PHTF2: variants seen among roughly 807,000 people sequenced by gnomAD.
PHTF2 encodes putative homeodomain transcription factor 2.
In PHTF2, 60 loss-of-function variants were observed where a neutral mutation model predicts 101.2. The ratio of observed to expected loss-of-function variants is 0.59; its 90% confidence interval spans 0.48 to 0.73. The LOEUF is 0.73. Ranked by LOEUF, PHTF2 falls within the 30% of genes least tolerant of loss-of-function variation. The pLI is 0.00. For synonymous variants in PHTF2, 311 were observed against 307.3 expected (o/e 1.01, Z -0.13); for missense variants, 747 against 908.7 (o/e 0.82, Z 2.29).
intron 2 of PHTF2, among the ~76,000 whole-genome samples, chr7:77,854,160 A>G (rs1796982494): frequency 6.6e-6 from 1 of 152,084 alleles, no homozygotes; most frequent in Admixed American, 6.6e-5. Flanking sequence ...TGTCTGCATC[A>G]GGGGGCAACC....
chr7:77,936,323 T>A (rs1447132503), intron 12 of PHTF2, among the ~76,000 whole-genome samples: 2 of 152,192 alleles, frequency 1.3e-5, no homozygotes, highest in Non-Finnish European at 2.9e-5. Context: ...AAGTTATATT[T>A]AATGAAATAT....
Position 77,853,140 on chromosome 7 carries a change from CTT to C in PHTF2, c.46-1591_46-1590del, listed in dbSNP as rs1344440860. Among the ~76,000 whole-genome samples, 9 of 152,234 alleles carry C rather than the reference CTT, an allele frequency of 5.9e-5. No homozygotes were observed. In the East Asian group the frequency reaches 1.7e-3, roughly 29 times the overall value. On this transcript the variant is annotated intron_variant, in intron 2 of 19. Coordinates refer to ENST00000416283, the Ensembl canonical transcript of PHTF2. Reference sequence around the variant, plus strand: ...TCTTTCTCTAGATTTGTTATTATCTCTTTGAGTAAACTTTTTACCCCAATATC... The same window carrying C: ...TCTTTCTCTAGATTTGTTATTATCTCTGAGTAAACTTTTTACCCCAATATC...
intron 1 of PHTF2, among the ~76,000 whole-genome samples, chr7:77,833,025 T>C (rs1795188660): frequency 1.3e-5 from 2 of 152,130 alleles, no homozygotes; most frequent in Non-Finnish European, 2.9e-5. Flanking sequence ...TGAAAAGTTA[T>C]GGAATTTGGT....
intron 7 of PHTF2, among the ~76,000 whole-genome samples, chr7:77,908,590 C>T (rs977032670): frequency 6.6e-6 from 1 of 151,920 alleles, no homozygotes; most frequent in Admixed American, 6.6e-5. Flanking sequence ...TGTCTTGTTC[C>T]GAGAGTTTAT....
At chr7:77,870,417 A>T (rs1388646829) in intron 3 of PHTF2, among the ~76,000 whole-genome samples, 1 of 152,170 alleles carries the variant, frequency 6.6e-6, no homozygotes, top group Non-Finnish European at 1.5e-5. Context: ...TCCAAAACTG[A>T]AGAACTTGGA....
chr7:77,815,418 T>G (rs1326068305), intron 1 of PHTF2, among the ~76,000 whole-genome samples: 1 of 152,250 alleles, frequency 6.6e-6, no homozygotes, highest in African/African-American at 2.4e-5. Context: ...ATGGTAAGAA[T>G]TCCAGTTTAC....
intron 3 of PHTF2, among the ~76,000 whole-genome samples, chr7:77,876,724 C>T (rs1204398347): frequency 1.3e-5 from 2 of 152,016 alleles, no homozygotes; most frequent in African/African-American, 4.8e-5. Flanking sequence ...GAGATCCTGT[C>T]TCTACAAAAT....
At chr7:77,845,813 G>A (rs555324148) in intron 2 of PHTF2, among the ~76,000 whole-genome samples, 2 of 152,252 alleles carry the variant, frequency 1.3e-5, no homozygotes, top group Non-Finnish European at 2.9e-5. Flanking sequence ...CAGTCTCCTG[G>A]ATTCTTTCGC....
chr7:77,928,220 G>A (rs1804240211), intron 11 of PHTF2, among the ~76,000 whole-genome samples: 1 of 151,436 alleles, frequency 6.6e-6, no homozygotes, highest in Non-Finnish European at 1.5e-5. Context: ...CTGGCCATAA[G>A]GATGACTATG....
chr7:77,954,859 T>C, exon 20 of PHTF2: 1 of 1,507,186 alleles, frequency 6.6e-7, no homozygotes, highest in Non-Finnish European at 9.1e-7. Context: ...TTTTTCTAGC[T>C]ATGGAAGATT....
exon 20 of PHTF2, chr7:77,955,513 A>G (rs928978936): frequency 3.3e-5 from 5 of 152,578 alleles, no homozygotes; most frequent in African/African-American, 1.2e-4. Flanking sequence ...ATATTTTGAT[A>G]AAAATTAACT....
intron 12 of PHTF2, among the ~76,000 whole-genome samples, chr7:77,935,265 C>T (rs1389897775): frequency 7.1e-6 from 1 of 141,004 alleles, no homozygotes; most frequent in Non-Finnish European, 1.5e-5. Context: ...CTCTGTCGCC[C>T]AGGCTGGAGT....
At chr7:77,818,792 ATTG>A (rs1794052581) in intron 1 of PHTF2, among the ~76,000 whole-genome samples, 1 of 152,082 alleles carries the variant, frequency 6.6e-6, no homozygotes, top group Non-Finnish European at 1.5e-5. Context: ...GAAGAAAGTA[ATTG>A]TTATTTTGAC....
At chr7:77,816,050 G>A (rs1793826581) in intron 1 of PHTF2, among the ~76,000 whole-genome samples, 2 of 151,642 alleles carry the variant, frequency 1.3e-5, no homozygotes, top group African/African-American at 2.4e-5. Flanking sequence ...TGGAAATTTG[G>A]TTATTCTTTT....
At chr7:77,851,538 A>G (rs1205214974) in intron 2 of PHTF2, among the ~76,000 whole-genome samples, 2 of 151,500 alleles carry the variant, frequency 1.3e-5, no homozygotes, top group African/African-American at 2.4e-5. Context: ...TTTTCAAAAA[A>G]CAAACTTATT....
intron 1 of PHTF2, among the ~76,000 whole-genome samples, chr7:77,804,388 C>T (rs1365407871): frequency 6.6e-6 from 1 of 152,136 alleles, no homozygotes; most frequent in African/African-American, 2.4e-5. Flanking sequence ...TGCAGTGGTG[C>T]GATCTTGGCT....
intron 11 of PHTF2, chr7:77,923,081 CT>C: frequency 9.5e-7 from 1 of 1,047,966 alleles, no homozygotes; most frequent in Non-Finnish European, 1.1e-6. Flanking sequence ...CCTGTGTTCA[CT>C]TTTTCCACAA....
intron 3 of PHTF2, among the ~76,000 whole-genome samples, chr7:77,860,283 T>G (rs1797529617): frequency 6.6e-6 from 1 of 152,228 alleles, no homozygotes; most frequent in South Asian, 2.1e-4. Context: ...TTTATACTCT[T>G]ATTGAAATCA....
chr7:77,870,073 A>T (rs988926232), intron 3 of PHTF2, among the ~76,000 whole-genome samples: 2 of 151,976 alleles, frequency 1.3e-5, no homozygotes, highest in Admixed American at 1.3e-4. Context: ...TGCTGTGCAG[A>T]AGCTTTTTAG....
Sources: gnomAD v4.1 joint callset for allele counts (sites outside exome capture counted in the v4.1 genomes callset) on GRCh38, gnomAD v4.1.1 for gene constraint, MANE v1.5 for transcripts, NCBI Gene and HGNC (gene_info 2026-07-23, HGNC 2026-07-21) for gene names.